The following TMEM161B variants were observed in gnomAD, a reference collection of about 807,000 sequenced individuals.
TMEM161B encodes the protein transmembrane protein 161B.
TMEM161B carries 34 observed loss-of-function variants against 61.8 expected under a neutral mutation model. The ratio of observed to expected loss-of-function variants is 0.55; its 90% CI spans 0.42 to 0.73. The LOEUF (loss-of-function observed/expected upper bound fraction) is 0.73. TMEM161B is among the 30% of genes least tolerant of loss of function. The pLI is 0.00. For synonymous variants in TMEM161B, 167 were observed against 192.8 expected (o/e 0.87, Z 1.11); for missense variants, 456 against 558.5 (o/e 0.82, Z 1.85).
intron 1 of TMEM161B, among the ~76,000 whole-genome samples, chr5:88,248,642 T>C (rs946725710): frequency 2.0e-5 from 3 of 151,194 alleles, no homozygotes; most frequent in African/African-American, 7.3e-5. Context: ...TTGCCTTAGG[T>C]TATCTCATGT....
At chr5:88,241,109 T>C (rs1290591013) in intron 1 of TMEM161B, among the ~76,000 whole-genome samples, 193 bp from the exon 2 acceptor site, 1 of 151,648 alleles carries the variant, frequency 6.6e-6, no homozygotes, top group Non-Finnish European at 1.5e-5. Context: ...AAAAATACAG[T>C]AAAAAATAAT....
At chr5:88,264,546 C>A (rs1580755088) in intron 1 of TMEM161B, among the ~76,000 whole-genome samples, 1 of 152,074 alleles carries the variant, frequency 6.6e-6, no homozygotes, top group South Asian at 2.1e-4. Context: ...GGATCTAGAA[C>A]CAGAAATACC....
At chr5:88,241,407 A>C (rs573068146) in intron 1 of TMEM161B, among the ~76,000 whole-genome samples, 76 of 152,026 alleles carry the variant, frequency 5.0e-4, no homozygotes, top group African/African-American at 1.8e-3. Flanking sequence ...ACTTAAAATG[A>C]ATTAGTATAC....
chr5:88,220,739 A>AAAAAAAAAAAAAAAC lies in TMEM161B; in HGVS notation c.290-21_290-20insGTTTTTTTTTTTTTT. 1 of 1,516,030 alleles carries AAAAAAAAAAAAAAAC rather than the reference A, an allele frequency of 6.6e-7. No individual in the cohort carries two copies. Among genetic ancestry groups the AAAAAAAAAAAAAAAC allele is most frequent in the Non-Finnish European group, 8.8e-7 (1 of 1,139,490 alleles). 93.9% of individuals were successfully genotyped at this position (1,516,030 alleles called of 1,614,324 possible). A position where few individuals can be genotyped will look rare whatever the true frequency, so the allele number is the denominator to read the frequency against. On this transcript the variant is annotated intron_variant, in intron 4 of 11. Coordinates refer to ENST00000296595, the MANE Select transcript of TMEM161B (RefSeq NM_153354.5). ...GCAATGCTGGAAAGAAAAAAAAAAAAAAAAAAAAAAAAGGTCAAAAAAAAC... is the reference window on the plus strand; with the variant it reads ...GCAATGCTGGAAAGAAAAAAAAAAAAAAAAAAAAAAAAAACAAAAAAAAAAAAGGTCAAAAAAAAC...
intron 5 of TMEM161B, among the ~76,000 whole-genome samples, chr5:88,216,725 T>C (rs1747927310): frequency 6.6e-6 from 1 of 152,230 alleles, no homozygotes; most frequent in Non-Finnish European, 1.5e-5. Flanking sequence ...GTTTAAAAGA[T>C]GGTGCCACAG....
chr5:88,219,028 G>A (rs1372591664), intron 5 of TMEM161B, among the ~76,000 whole-genome samples: 1 of 152,132 alleles, frequency 6.6e-6, no homozygotes, highest in Non-Finnish European at 1.5e-5. Context: ...AGTGATACCA[G>A]GGGCATAGGT....
At chr5:88,251,746 G>A (rs147514653) in intron 1 of TMEM161B, among the ~76,000 whole-genome samples, 248 of 152,118 alleles carry the variant, frequency 1.6e-3, no homozygotes, top group Admixed American at 2.8e-3. Context: ...AAATTATGTC[G>A]CCACAGAAAT....
downstream of TMEM161B, among the ~76,000 whole-genome samples, chr5:88,193,146 T>C (rs1181795267): frequency 6.6e-6 from 1 of 152,130 alleles, no homozygotes; most frequent in Admixed American, 6.5e-5. Context: ...AAGATAAAAT[T>C]ATATGCTTTT....
At chr5:88,238,409 A>G (rs979369000) in intron 2 of TMEM161B, among the ~76,000 whole-genome samples, 3 of 152,102 alleles carry the variant, frequency 2.0e-5, no homozygotes, top group Admixed American at 6.6e-5. Flanking sequence ...AACATGATAT[A>G]CACAGAAACA....
chr5:88,257,160 TTGGGAG>T (rs2112755814), intron 1 of TMEM161B, among the ~76,000 whole-genome samples: 1 of 152,114 alleles, frequency 6.6e-6, no homozygotes, highest in African/African-American at 2.4e-5. Context: ...TCCCAGCTAC[TTGGGAG>T]GCTGAGGCAC....
chr5:88,191,391 A>G (rs533096792), downstream of TMEM161B, among the ~76,000 whole-genome samples: 2 of 152,212 alleles, frequency 1.3e-5, no homozygotes, highest in Non-Finnish European at 2.9e-5. Context: ...CTAGATGCTA[A>G]GCTCTTGGAG....
At chr5:88,212,271 T>C (rs954488294) in intron 5 of TMEM161B, among the ~76,000 whole-genome samples, 63 of 152,254 alleles carry the variant, frequency 4.1e-4, no homozygotes, top group African/African-American at 1.5e-3. Context: ...TAAAAATAGT[T>C]ACCTACCCCA....
At chr5:88,263,742 G>C (rs1300162024) in intron 1 of TMEM161B, among the ~76,000 whole-genome samples, 6 of 152,080 alleles carry the variant, frequency 3.9e-5, no homozygotes, top group South Asian at 2.1e-4. Context: ...TTGTTGCGGA[G>C]AAAACAAAAG....
chr5:88,258,260 C>T (rs1755249164), intron 1 of TMEM161B, among the ~76,000 whole-genome samples: 1 of 152,106 alleles, frequency 6.6e-6, no homozygotes. Context: ...TTCCAGTTAT[C>T]CAGGCTCTTT....
chr5:88,222,615 C>T (rs954978842), intron 4 of TMEM161B, among the ~76,000 whole-genome samples: 2 of 152,194 alleles, frequency 1.3e-5, no homozygotes, highest in African/African-American at 4.8e-5. Context: ...TCCAAACCTA[C>T]CCATACTCAT....
At chr5:88,188,318 G>T (rs891620153), downstream of TMEM161B, among the ~76,000 whole-genome samples, 2 of 148,190 alleles carry the variant, frequency 1.3e-5, no homozygotes, top group Non-Finnish European at 3.0e-5. Flanking sequence ...GTTTCACCAT[G>T]TTGGCCAGGC....
At chr5:88,186,499 T>C (rs190566466), downstream of TMEM161B, among the ~76,000 whole-genome samples, 1 of 150,146 alleles carries the variant, frequency 6.7e-6, no homozygotes, top group African/African-American at 2.5e-5. Flanking sequence ...AATCTATTTT[T>C]TTTAATTCTT....
chr5:88,207,896 T>C (rs1054650613), intron 5 of TMEM161B, among the ~76,000 whole-genome samples: 1 of 152,216 alleles, frequency 6.6e-6, no homozygotes, highest in African/African-American at 2.4e-5. Flanking sequence ...AAGTAACCTT[T>C]ACGTAAAGTT....
At chr5:88,267,361 TTA>T (rs1306739472) in intron 1 of TMEM161B, among the ~76,000 whole-genome samples, 1 of 152,092 alleles carries the variant, frequency 6.6e-6, no homozygotes, top group African/African-American at 2.4e-5. Context: ...AAAAAAAACT[TTA>T]AAGAGATAGG....
Sources: allele counts gnomAD v4.1 joint callset (sites outside exome capture counted in the v4.1 genomes callset), GRCh38; gene constraint gnomAD v4.1.1; transcripts MANE v1.5; gene names NCBI Gene and HGNC (gene_info 2026-07-23, HGNC 2026-07-21).